Variants in TBL3 observed in about 807,000 individuals in gnomAD.
The protein encoded by TBL3 is transducin beta like 3.
In TBL3, 71 loss-of-function variants were observed where a neutral mutation model predicts 102.7. The ratio of observed to expected loss-of-function variants is 0.69; its 90% confidence interval spans 0.57 to 0.84. The LOEUF (loss-of-function observed/expected upper bound fraction) is 0.84, where lower values mean the gene tolerates loss of function less well. Among genes scored for constraint, TBL3 ranks in the 40% least tolerant of loss-of-function variants. The pLI, the probability that TBL3 is intolerant of heterozygous loss-of-function variation, is 0.00. For missense variants in TBL3, 1,188 were observed against 1,098.5 expected (o/e 1.08, Z -1.15); for synonymous variants, 578 against 477.7 (o/e 1.21, Z -2.74).
At chr16:1,975,770 G>T in intron 10 of TBL3, 38 bp from the exon 11 acceptor site, 1 of 1,613,988 alleles carries the variant, frequency 6.2e-7, no homozygotes. Context: ...TCTTACACAG[G>T]TCCTGGCTCA....
In TBL3 at chr16:1,977,208, T is replaced by C. The variant is rs2083410121; in HGVS notation, c.1595T>C (p.Met532Thr). The change falls in exon 15 of 22, where the codon ATG becomes ACG. Residue 532 changes from methionine (M) to threonine (T), a missense_variant. Met to Thr is a moderately conservative substitution (Grantham distance 81). Transcript: ENST00000568546. The stretch of plus-strand genomic sequence containing the variant: ...CTCTGGTGCGTCCAGTTCTCTCCCA[T>C]GGACCAGGTGCTGGCCACGGCCTCA... The part of the protein sequence containing the change: ...RGLWCVQFSP[M>T]DQVLATASAD... 6.2e-7 allele frequency: 1 copy of C among 1,613,172 alleles called. No homozygotes were observed. The highest frequency in any genetic ancestry group is 8.5e-7 in the Non-Finnish European group (1 of 1,179,954).
Position 1,975,868 on chromosome 16 carries a change from G to A in TBL3, c.1048G>A (p.Val350Ile), listed in dbSNP as rs773483015. 33 of 1,614,004 alleles carry A rather than the reference G, an allele frequency of 2.0e-5. No individual in the cohort carries two copies. Among genetic ancestry groups the A allele is most frequent in the Middle Eastern group, 1.6e-4 (1 of 6,084 alleles). ...GTTTCTTGGGCCCGAGGACTCCCAC[G>A]TTGTCGTGGCCTCCAATAGCCCCTG... The part of the protein sequence containing the change: ...VRFLGPEDSH[V>I]VVASNSPCLK... The change falls in exon 11 of 22, where the codon GTT becomes ATT. Residue 350 changes from valine to isoleucine, a missense_variant. Val to Ile is a conservative substitution (Grantham distance 29, BLOSUM62 3). Transcript: ENST00000568546.
At position 1,974,627 on chromosome 16, in the gene TBL3, G is replaced by A. The variant is rs199543040; in HGVS notation, c.327G>A (p.Thr109=). ...SVTRLWKAIH[T]APVATMAFDP... ...CCCGCCTGTGGAAGGCGATACACAC[G>A]GCCCCCGTGGCCACCATGGCCTTCG... Residue 109 remains threonine, a synonymous_variant, in exon 5 of 22, where the codon ACG becomes ACA. Transcript: ENST00000568546. 1.8e-4 allele frequency: 288 copies of A among 1,609,974 alleles called. 2 individuals are homozygous for A. The highest frequency in any genetic ancestry group is 1.8e-4 in the Non-Finnish European group (215 of 1,177,470).
In TBL3 at chr16:1,979,217, G is replaced by T. The variant is rs1033533642; in HGVS notation, c.*532G>T. 1 of 1,479,948 alleles carries T rather than the reference G, an allele frequency of 6.8e-7. No homozygotes were observed. The allele number at this position is 1,479,948 out of a possible 1,614,324, so 91.7% of individuals were successfully genotyped here. ...CGGTGGGGGGAGGGGCGGTGGCCTG[G>T]GAGGGTTCAGGGAAGCCCCGGGCCT... On this transcript the variant is annotated 3_prime_UTR_variant, in exon 22 of 22. Coordinates refer to ENST00000568546, the MANE Select transcript of TBL3 (RefSeq NM_006453.3).
At position 1,981,248 on chromosome 16, in the gene TBL3, G is replaced by C. The variant is rs1257814834; in HGVS notation, c.*2563G>C. On this transcript the variant is annotated 3_prime_UTR_variant, in exon 22 of 22. Transcript: ENST00000568546. ...CCTTCTGCCTCCCCGTGCTTGAGAG[G>C]GCTCTGGGGGACCCAGAAAACCCCC... 8 of 1,598,742 alleles carry C rather than the reference G, an allele frequency of 5.0e-6. No homozygotes were observed. In the Admixed American group the frequency reaches 1.4e-4, roughly 27 times the overall value.
At chr16:1,973,321 C>T (rs61516948) in intron 1 of TBL3, among the ~76,000 whole-genome samples, 17,166 of 152,100 alleles carry the variant, frequency 0.11, 1,068 homozygotes, top group African/African-American at 0.12. Flanking sequence ...CCCAGCTACT[C>T]GGAGAGGCTG....
chr16:1,973,478 C>G (rs758200410), intron 1 of TBL3, among the ~76,000 whole-genome samples: 1 of 152,118 alleles, frequency 6.6e-6, no homozygotes, highest in Non-Finnish European at 1.5e-5. Context: ...GGTAGGGGGT[C>G]CAGTGAAGAG....
intron 18 of TBL3, 66 bp from the exon 19 acceptor site, chr16:1,977,892 A>ACT: frequency 6.3e-7 from 1 of 1,595,502 alleles, no homozygotes. Flanking sequence ...CTGCCTGCTG[A>ACT]CTCCGATGGC....
Position 1,980,536 on chromosome 16 carries a change from G to A in TBL3, c.*1851G>A. 1 of 1,603,888 alleles carries A rather than the reference G, an allele frequency of 6.2e-7. No individual in the cohort carries two copies. Among genetic ancestry groups the A allele is most frequent in the Non-Finnish European group, 8.5e-7 (1 of 1,178,078 alleles). On this transcript the variant is annotated 3_prime_UTR_variant, in exon 22 of 22. Transcript: ENST00000568546. ...CTCGTGCGCCCCACGCGTCCCAACA[G>A]TGGTGCATCTTAAGGCACCACAAAA... is the stretch of plus-strand genomic sequence containing the variant.
Position 1,975,600 on chromosome 16 carries a change from C to A in TBL3, c.877C>A (p.Gln293Lys). 2 of 1,601,472 alleles carry A rather than the reference C, an allele frequency of 1.2e-6. No homozygotes were observed. The highest frequency in any genetic ancestry group is 1.7e-6 in the Non-Finnish European group (2 of 1,179,518). The change falls in exon 10 of 22, where the codon CAG (glutamine) becomes AAG (lysine). Residue 293 changes from glutamine to lysine, a missense_variant. By Grantham distance (53) the Gln-to-Lys change is moderately conservative. Coordinates refer to ENST00000568546, the MANE Select transcript of TBL3 (RefSeq NM_006453.3). The part of the protein sequence containing the change: ...YTQAQPPGPG[Q>K]ELTHCTLAHT... The stretch of plus-strand genomic sequence containing the variant: ...GCAGGCCCAGCCGCCGGGCCCTGGG[C>A]AGGAGCTGACCCACTGCACCCTGGC...
Position 1,972,060 on chromosome 16 carries a change from G to T in TBL3, c.-105G>T, listed in dbSNP as rs557368969. 12 of 1,285,150 alleles carry T rather than the reference G, an allele frequency of 9.3e-6. No homozygotes were observed. In the African/African-American group the frequency reaches 1.9e-4, roughly 20 times the overall value. 79.6% of individuals were successfully genotyped at this position (1,285,150 alleles called of 1,614,324 possible). A position where few individuals can be genotyped will look rare whatever the true frequency, so the allele number is the denominator to read the frequency against. On this transcript the variant is annotated 5_prime_UTR_variant, in exon 1 of 22. Coordinates refer to ENST00000568546, the MANE Select transcript of TBL3 (RefSeq NM_006453.3). ...GCGCGCGGTGACGCCATCGCAGCGC[G>T]CCGGGAGTGTGGCGTTCTGTGAAGA... is the stretch of plus-strand genomic sequence containing the variant.
chr16:1,977,615 G>T lies in TBL3; in HGVS notation c.1844G>T (p.Arg615Leu), dbSNP rs201010941. The change falls in exon 17 of 22, where the codon CGG becomes CTG. Residue 615 changes from arginine to leucine, a missense_variant. Physicochemically the swap from Arg to Leu is moderately radical, Grantham distance 102. Transcript: ENST00000568546. ...AAGGTCTGGGGGCTGCACTGCAGCC[G>T]GCTGGACGACCACGCCCTCACTGGG... ...EDKVWGLHCS[R>L]LDDHALTGAS... 6.4e-5 allele frequency: 100 copies of T among 1,558,144 alleles called. No individual in the cohort carries two copies. In the East Asian group the frequency reaches 2.1e-3, roughly 33 times the overall value.
chr16:1,979,534 A>G lies in TBL3; in HGVS notation c.*849A>G. 6.2e-7 allele frequency: 1 copy of G among 1,609,716 alleles called. No individual in the cohort carries two copies. The highest frequency in any genetic ancestry group is 8.5e-7 in the Non-Finnish European group (1 of 1,177,998). ...CTCTCGTAGGCGCGGGAAGCACAGA[A>G]CTGGGGACCTGGTGGGAGTGGGTGT... On this transcript the variant is annotated 3_prime_UTR_variant, in exon 22 of 22. Transcript: ENST00000568546.
At chr16:1,974,736 C>T (rs1314050681) in intron 5 of TBL3, 27 bp from the exon 6 acceptor site, 1 of 1,611,988 alleles carries the variant, frequency 6.2e-7, no homozygotes, top group East Asian at 2.2e-5. Flanking sequence ...TTTGGGCATT[C>T]CACCCCCTCA....
rs752735348 is a variant in TBL3, at chr16:1,979,423, A to G, written c.*738A>G. 3 of 1,607,572 alleles carry G rather than the reference A, an allele frequency of 1.9e-6. No homozygotes were observed. Among genetic ancestry groups the G allele is most frequent in the Non-Finnish European group, 2.5e-6 (3 of 1,178,734 alleles). ...GCCCTGCCCACGCCCGCTCCCGCGT[A>G]CCTGCATAGCCACCAGCCGCGGTCT... On this transcript the variant is annotated 3_prime_UTR_variant, in exon 22 of 22. Transcript: ENST00000568546.
Position 1,974,655 on chromosome 16 carries a change from C to A in TBL3, c.355C>A (p.Pro119Thr), listed in dbSNP as rs78289321. 2.5e-6 allele frequency: 4 copies of A among 1,608,576 alleles called. No individual in the cohort carries two copies. Among genetic ancestry groups the A allele is most frequent in the Non-Finnish European group, 3.4e-6 (4 of 1,176,664 alleles). The change falls in exon 5 of 22, where the codon CCC (proline) becomes ACC (threonine). Residue 119 changes from proline (P) to threonine (T), a missense_variant. Pro to Thr is a conservative substitution (Grantham distance 38). Transcript: ENST00000568546. The stretch of plus-strand genomic sequence containing the variant: ...CCCCGTGGCCACCATGGCCTTCGAC[C>A]CCACCTCCACTCTGCTAGCCACAGG... ...TAPVATMAFDPTSTLLATGGC... is the reference protein window; with the variant it reads ...TAPVATMAFDTTSTLLATGGC...
rs778871468 is a variant in TBL3 at position 1,978,242 on chromosome 16, G to A, written c.2134+22G>A. Reference sequence around the variant, plus strand: ...AAAGGTTGGCGGCCAGTCAGGGTGGGTGGCCCGGTGGGCAAGGGCCAGTCA... The same window carrying A: ...AAAGGTTGGCGGCCAGTCAGGGTGGATGGCCCGGTGGGCAAGGGCCAGTCA... On this transcript the variant is annotated intron_variant, in intron 20 of 21. Transcript: ENST00000568546. 6 of 1,612,662 alleles carry A rather than the reference G, an allele frequency of 3.7e-6. No individual in the cohort carries two copies. In the Admixed American group the frequency reaches 8.3e-5, roughly 22 times the overall value.
At position 1,974,595 on chromosome 16, in the gene TBL3, A is replaced by G. The variant is rs1176310442; in HGVS notation, c.295A>G (p.Ser99Gly). 2 of 1,610,608 alleles carry G rather than the reference A, an allele frequency of 1.2e-6. No individual in the cohort carries two copies. The highest frequency in any genetic ancestry group is 1.7e-5 in the Admixed American group (1 of 59,906). The change falls in exon 5 of 22, where the codon AGC becomes GGC. Residue 99 changes from serine to glycine, a missense_variant. By Grantham distance (56) the Ser-to-Gly change is moderately conservative (BLOSUM62 0). Coordinates refer to ENST00000568546, the MANE Select transcript of TBL3 (RefSeq NM_006453.3). The part of the protein sequence containing the change: ...LLAQWAWQEG[S>G]VTRLWKAIHT... Reference sequence around the variant, plus strand: ...GGCTCAGTGGGCCTGGCAAGAGGGCAGCGTTACCCGCCTGTGGAAGGCGAT... The same window carrying G: ...GGCTCAGTGGGCCTGGCAAGAGGGCGGCGTTACCCGCCTGTGGAAGGCGAT...
rs754069504 is a variant in TBL3, at chr16:1,974,630, C to T, written c.330C>T (p.Ala110=). ...VTRLWKAIHT[A]PVATMAFDPT... The stretch of plus-strand genomic sequence containing the variant: ...GCCTGTGGAAGGCGATACACACGGC[C>T]CCCGTGGCCACCATGGCCTTCGACC... Residue 110 remains alanine, a synonymous_variant, in exon 5 of 22, where the codon GCC becomes GCT. Coordinates refer to ENST00000568546, the MANE Select transcript of TBL3 (RefSeq NM_006453.3). The T allele has an allele frequency of 6.8e-6, 11 of 1,610,118 alleles. No homozygotes were observed. Among genetic ancestry groups the T allele is most frequent in the East Asian group, 2.2e-5 (1 of 44,786 alleles).
Sources: gnomAD v4.1 joint callset for allele counts (sites outside exome capture counted in the v4.1 genomes callset) on GRCh38, gnomAD v4.1.1 for gene constraint, MANE v1.5 for transcripts, NCBI Gene and HGNC (gene_info 2026-07-23, HGNC 2026-07-21) for gene names.